GTF2H4: variants seen among roughly 807,000 people sequenced by gnomAD.
GTF2H4 encodes general transcription factor IIH subunit 4.
GTF2H4 carries 49 observed loss-of-function variants against 62.2 expected under a neutral mutation model. That is an observed-to-expected ratio of 0.79 (90% confidence interval 0.63 to 1.00). The LOEUF is 1.00. GTF2H4 is among the 50% of genes least tolerant of loss of function. GTF2H4 has a pLI of 0.00. For synonymous variants in GTF2H4, 189 were observed against 233.8 expected (o/e 0.81, Z 1.75); for missense variants, 479 against 587.8 (o/e 0.81, Z 1.91).
Position 30,910,831 on chromosome 6 carries a change from C to G in GTF2H4, c.472-22C>G. 1.2e-6 allele frequency: 2 copies of G among 1,609,464 alleles called. No individual in the cohort carries two copies. The highest frequency in any genetic ancestry group is 1.7e-6 in the Non-Finnish European group (2 of 1,177,106). ...CCCATGGCCCTTGGGGCATGGTCTC[C>G]CTGTTCTCTTCTGTTCTTCAGGTGG... On this transcript the variant is annotated intron_variant, in intron 5 of 13. Transcript: ENST00000259895. This position sits in a 1 kb window ranked among gnomAD's most constrained non-coding sequence, Gnocchi z 4.7.
chr6:30,912,061 A>G lies in GTF2H4; in HGVS notation c.873A>G (p.Ser291=), dbSNP rs1305374041. ...YYPTRLAINL[S]SGVSGAGGTV... is the part of the protein sequence containing the mutation. ...CCACACGCCTGGCCATCAATCTCTC[A>G]TCAGGTGTCTCTGGAGCTGGGGGCA... The change falls in exon 10 of 14, where the codon TCA becomes TCG. Residue 291 remains serine, a synonymous_variant. Coordinates refer to ENST00000259895, the MANE Select transcript of GTF2H4 (RefSeq NM_001517.5). This position sits in a 1 kb window ranked among gnomAD's most constrained non-coding sequence, Gnocchi z 4.8. 1 of 1,612,944 alleles carries G rather than the reference A, an allele frequency of 6.2e-7. No homozygotes were observed. Among genetic ancestry groups the G allele is most frequent in the Non-Finnish European group, 8.5e-7 (1 of 1,179,932 alleles).
At position 30,913,517 on chromosome 6, in the gene GTF2H4, G is replaced by C; in HGVS notation, c.1216+130G>C. ...GCAAGACAGTTTTTTGTTGTTTTGGGGTGAGTCGGTAGTAAACAAATCGTC... is the reference window on the plus strand; with the variant it reads ...GCAAGACAGTTTTTTGTTGTTTTGGCGTGAGTCGGTAGTAAACAAATCGTC... On this transcript the variant is annotated intron_variant, in intron 13 of 13. Coordinates refer to ENST00000259895, the MANE Select transcript of GTF2H4 (RefSeq NM_001517.5). The surrounding 1 kb of genome is among the most constrained non-coding windows in gnomAD (Gnocchi z 4.2). 1.7e-5 allele frequency: 18 copies of C among 1,041,224 alleles called. No homozygotes were observed. Among genetic ancestry groups the C allele is most frequent in the Non-Finnish European group, 2.5e-5 (18 of 716,432 alleles). The allele number at this position is 1,041,224 out of a possible 1,614,324, so 64.5% of individuals were successfully genotyped here.
In GTF2H4 at chr6:30,911,593, G is replaced by T. The variant is rs569919199; in HGVS notation, c.742-91G>T. 9.6e-5 allele frequency: 93 copies of T among 971,098 alleles called. No homozygotes were observed. The African/African-American group carries it at 1.0e-3, about 11-fold the overall frequency. The allele number at this position is 971,098 out of a possible 1,614,324, so 60.2% of individuals were successfully genotyped here. A position where few individuals can be genotyped will look rare whatever the true frequency, so the allele number is the denominator to read the frequency against. On this transcript the variant is annotated intron_variant, in intron 8 of 13. Coordinates refer to ENST00000259895, the MANE Select transcript of GTF2H4 (RefSeq NM_001517.5). The surrounding 1 kb of genome is among the most constrained non-coding windows in gnomAD (Gnocchi z 4.3). The stretch of plus-strand genomic sequence containing the variant: ...GAGAAGATAAGAATGAAAACAGAAC[G>T]AACAGAGATGGAGAAAGAAAGAATG...
chr6:30,911,628 G>C lies in GTF2H4; in HGVS notation c.742-56G>C. The C allele has an allele frequency of 7.3e-7, 1 of 1,372,054 alleles. No individual in the cohort carries two copies. Among genetic ancestry groups the C allele is most frequent in the Non-Finnish European group, 1.0e-6 (1 of 959,654 alleles). 85.0% of individuals were successfully genotyped at this position (1,372,054 alleles called of 1,614,324 possible). Reference sequence around the variant, plus strand: ...GGAGAAAGAAAGAATGAATGTATGGGGTTGGGGGTGGGTGGGTTGTGTTTT... The same window carrying C: ...GGAGAAAGAAAGAATGAATGTATGGCGTTGGGGGTGGGTGGGTTGTGTTTT... On this transcript the variant is annotated intron_variant, in intron 8 of 13. Transcript: ENST00000259895. The surrounding 1 kb of genome is among the most constrained non-coding windows in gnomAD (Gnocchi z 4.3).
chr6:30,908,721 C>T (rs942469478), intron 1 of GTF2H4, among the ~76,000 whole-genome samples: 2 of 152,074 alleles, frequency 1.3e-5, no homozygotes, highest in African/African-American at 4.8e-5. Flanking sequence ...TTTCTTTGTC[C>T]CTGTTTAGCC....
At position 30,910,875 on chromosome 6, in the gene GTF2H4, G is replaced by T; in HGVS notation, c.494G>T (p.Gly165Val). ...RWEVVLHFMV[G>V]SPSAAVSQDL... The stretch of plus-strand genomic sequence containing the variant: ...CAGGTGGTCTTGCACTTCATGGTGG[G>T]CTCCCCCAGTGCAGCTGTCAGCCAG... Residue 165 changes from glycine (G) to valine (V), a missense_variant, in exon 6 of 14, where the codon GGC (glycine) becomes GTC (valine). Coordinates refer to ENST00000259895, the MANE Select transcript of GTF2H4 (RefSeq NM_001517.5). The surrounding 1 kb of genome is among the most constrained non-coding windows in gnomAD (Gnocchi z 4.7). The T allele has an allele frequency of 6.2e-7, 1 of 1,612,242 alleles. No individual in the cohort carries two copies. Among genetic ancestry groups the T allele is most frequent in the Non-Finnish European group, 8.5e-7 (1 of 1,179,688 alleles).
chr6:30,909,307 G>A lies in GTF2H4; in HGVS notation c.138-128G>A. 7.8e-7 allele frequency: 1 copy of A among 1,277,758 alleles called. No individual in the cohort carries two copies. The highest frequency in any genetic ancestry group is 1.5e-5 in the African/African-American group (1 of 67,844). 79.2% of individuals were successfully genotyped at this position (1,277,758 alleles called of 1,614,324 possible). A position where few individuals can be genotyped will look rare whatever the true frequency, so the allele number is the denominator to read the frequency against. On this transcript the variant is annotated intron_variant, in intron 2 of 13. Coordinates refer to ENST00000259895, the MANE Select transcript of GTF2H4 (RefSeq NM_001517.5). This position sits in a 1 kb window ranked among gnomAD's most constrained non-coding sequence, Gnocchi z 4.3. ...GGGTTGGAAATTGCTCTAAAGTGTG[G>A]AGGCCAAAACAGCAGGACTGGTAAA...
Position 30,911,502 on chromosome 6 carries a change from A to C in GTF2H4, c.741+3A>C, listed in dbSNP as rs1461657971. The C allele has an allele frequency of 6.2e-7, 1 of 1,613,046 alleles. No homozygotes were observed. The highest frequency in any genetic ancestry group is 2.2e-5 in the East Asian group (1 of 44,904). ...TCAGCTTCTCTACTCTGGGCAAGGT[A>C]AGCAGGGGGCTGAAAGGTATAGAGA... On this transcript the variant is annotated splice_donor_region_variant and intron_variant, in intron 8 of 13. Transcript: ENST00000259895. This position sits in a 1 kb window ranked among gnomAD's most constrained non-coding sequence, Gnocchi z 4.3.
In GTF2H4 at chr6:30,908,286, TC is replaced by T. The variant is rs1368113018; in HGVS notation, c.-120del. 1 of 153,378 alleles carries T rather than the reference TC, an allele frequency of 6.5e-6. No individual in the cohort carries two copies. Among genetic ancestry groups the T allele is most frequent in the African/African-American group, 2.4e-5 (1 of 41,468 alleles). The allele number at this position is 153,378 out of a possible 1,614,324, so 9.5% of individuals were successfully genotyped here. On this transcript the variant is annotated 5_prime_UTR_variant, in exon 1 of 14. Coordinates refer to ENST00000259895, the MANE Select transcript of GTF2H4 (RefSeq NM_001517.5). ...GTGAAATCTTTCTTTGCTTTCCCCA[TC>T]TTTTCCTCGCATTTTTTCACCATCT...
chr6:30,913,260 G>C lies in GTF2H4; in HGVS notation c.1138-49G>C. On this transcript the variant is annotated intron_variant, in intron 12 of 13. Transcript: ENST00000259895. This position sits in a 1 kb window ranked among gnomAD's most constrained non-coding sequence, Gnocchi z 4.2. ...TGGGGAAGAAACAGAGGGCCGGGTT[G>C]TCTGGGGCAGTATTCTGAGTCCCTA... The C allele has an allele frequency of 1.2e-6, 2 of 1,612,604 alleles. No homozygotes were observed. The highest frequency in any genetic ancestry group is 1.3e-5 in the African/African-American group (1 of 75,008).
At position 30,913,306 on chromosome 6, in the gene GTF2H4, C is replaced by T. The variant is rs1793888413; in HGVS notation, c.1138-3C>T. ...CCCTACAGTCAACCCTTGCTCCTTG[C>T]AGACACCTGTGCTGCCCCCCACCAT... On this transcript the variant is annotated splice_polypyrimidine_tract_variant and splice_region_variant and intron_variant, in intron 12 of 13. Transcript: ENST00000259895. This position sits in a 1 kb window ranked among gnomAD's most constrained non-coding sequence, Gnocchi z 4.2. 6.2e-7 allele frequency: 1 copy of T among 1,613,756 alleles called. No homozygotes were observed.
chr6:30,909,276 G>A lies in GTF2H4; in HGVS notation c.137+103G>A. ...AGCCTGGAGTCGGGGTGGGGACTGG[G>A]GGCAAGGGTTGGAAATTGCTCTAAA... is the stretch of plus-strand genomic sequence containing the variant. On this transcript the variant is annotated intron_variant, in intron 2 of 13. Transcript: ENST00000259895. This position sits in a 1 kb window ranked among gnomAD's most constrained non-coding sequence, Gnocchi z 4.3. 1 of 1,424,720 alleles carries A rather than the reference G, an allele frequency of 7.0e-7. No homozygotes were observed. The highest frequency in any genetic ancestry group is 9.5e-7 in the Non-Finnish European group (1 of 1,054,580). The allele number at this position is 1,424,720 out of a possible 1,614,324, so 88.3% of individuals were successfully genotyped here. A position where few individuals can be genotyped will look rare whatever the true frequency, so the allele number is the denominator to read the frequency against.
chr6:30,912,060 C>G lies in GTF2H4; in HGVS notation c.872C>G (p.Ser291Ter). The G allele has an allele frequency of 6.2e-7, 1 of 1,612,934 alleles. No individual in the cohort carries two copies. Among genetic ancestry groups the G allele is most frequent in the South Asian group, 1.1e-5 (1 of 91,072 alleles). Reference protein sequence around the residue: ...YYPTRLAINLSSGVSGAGGTV... With the variant: ...YYPTRLAINL The stretch of plus-strand genomic sequence containing the variant: ...CCCACACGCCTGGCCATCAATCTCT[C>G]ATCAGGTGTCTCTGGAGCTGGGGGC... Residue 291 changes from serine (S) to a stop codon, truncating the protein, a stop_gained, in exon 10 of 14, where the codon TCA becomes TGA. Transcript: ENST00000259895. LOFTEE classifies it high-confidence loss of function. This position sits in a 1 kb window ranked among gnomAD's most constrained non-coding sequence, Gnocchi z 4.8.
In GTF2H4 at chr6:30,912,604, G is replaced by A; in HGVS notation, c.1089+146G>A. ...GTGTTTGAAGAGAAATGAAGGCTTT[G>A]GGTGTGAGAATAGGTAGACCCTTGA... On this transcript the variant is annotated intron_variant, in intron 11 of 13. Coordinates refer to ENST00000259895, the MANE Select transcript of GTF2H4 (RefSeq NM_001517.5). The surrounding 1 kb of genome is among the most constrained non-coding windows in gnomAD (Gnocchi z 4.8). 2 of 1,042,188 alleles carry A rather than the reference G, an allele frequency of 1.9e-6. No homozygotes were observed. The highest frequency in any genetic ancestry group is 3.1e-5 in the South Asian group (2 of 64,886). 64.6% of individuals were successfully genotyped at this position (1,042,188 alleles called of 1,614,324 possible).
In GTF2H4 at chr6:30,913,911, G is replaced by A; in HGVS notation, c.1317G>A (p.Arg439=). Residue 439 remains arginine (R), a synonymous_variant, in exon 14 of 14, where the codon CGG becomes CGA. Transcript: ENST00000259895. This position sits in a 1 kb window ranked among gnomAD's most constrained non-coding sequence, Gnocchi z 4.2. ...TCGTGTTCGAGAACTCGGCCAAGCG[G>A]CTCATGGTGGTGACCCCGGCCGGGC... ...GVLVFENSAK[R]LMVVTPAGHS... 9.9e-6 allele frequency: 16 copies of A among 1,609,800 alleles called. No individual in the cohort carries two copies. Among genetic ancestry groups the A allele is most frequent in the Non-Finnish European group, 1.4e-5 (16 of 1,178,524 alleles).
chr6:30,910,018 TC>T lies in GTF2H4; in HGVS notation c.330del (p.Asn111ThrfsTer75), dbSNP rs1404708323. The T allele has an allele frequency of 4.3e-6, 7 of 1,612,888 alleles. No homozygotes were observed. The highest frequency in any genetic ancestry group is 5.9e-6 in the Non-Finnish European group (7 of 1,180,016). On this transcript the variant is annotated frameshift_variant, in exon 4 of 14. Coordinates refer to ENST00000259895, the MANE Select transcript of GTF2H4 (RefSeq NM_001517.5). LOFTEE classifies it high-confidence loss of function. The surrounding 1 kb of genome is among the most constrained non-coding windows in gnomAD (Gnocchi z 4.7). The stretch of plus-strand genomic sequence containing the variant: ...CCAGGCGGGCTCCAGGGCCTCATCC[TC>T]AACCCCATTTTCCGCCAGAACCTCC... ...LLPGGLQGLI[L>X]NPIFRQNLRI...
At chr6:30,908,996 G>C (rs771584065) in intron 1 of GTF2H4, 38 bp from the exon 2 acceptor site, 1 of 1,612,680 alleles carries the variant, frequency 6.2e-7, no homozygotes, top group Admixed American at 1.7e-5. Flanking sequence ...CACTGGCATG[G>C]ATGGTGAGGT....
At position 30,913,210 on chromosome 6, in the gene GTF2H4, G is replaced by A; in HGVS notation, c.1137+53G>A. The A allele has an allele frequency of 6.2e-7, 1 of 1,612,062 alleles. No homozygotes were observed. Among genetic ancestry groups the A allele is most frequent in the Non-Finnish European group, 8.5e-7 (1 of 1,179,132 alleles). The stretch of plus-strand genomic sequence containing the variant: ...GCTGGCAGCTGGTGATGACATGATG[G>A]AAAAGAAAAAGGGGCATCCAAATCT... On this transcript the variant is annotated intron_variant, in intron 12 of 13. Transcript: ENST00000259895. This position sits in a 1 kb window ranked among gnomAD's most constrained non-coding sequence, Gnocchi z 4.2.
rs1315155669 is a variant in GTF2H4 at position 30,910,216 on chromosome 6, T to C, written c.374+153T>C. Among the ~76,000 whole-genome samples the C allele has an allele frequency of 6.6e-6, 1 of 152,170 alleles. No homozygotes were observed. Among genetic ancestry groups the C allele is most frequent in the Non-Finnish European group, 1.5e-5 (1 of 68,024 alleles). On this transcript the variant is annotated intron_variant, in intron 4 of 13. Coordinates refer to ENST00000259895, the MANE Select transcript of GTF2H4 (RefSeq NM_001517.5). This position sits in a 1 kb window ranked among gnomAD's most constrained non-coding sequence, Gnocchi z 4.7. ...TCCTTTAGGAGTAAGTTGGACCAGA[T>C]GTAGTGTGTGGTGTAGGAAATGTCC... is the stretch of plus-strand genomic sequence containing the variant.
Sources: allele counts gnomAD v4.1 joint callset (sites outside exome capture counted in the v4.1 genomes callset), GRCh38; gene constraint gnomAD v4.1.1; non-coding constraint Gnocchi (gnomAD v3.1); transcripts MANE v1.5; gene names NCBI Gene and HGNC (gene_info 2026-07-23, HGNC 2026-07-21).